MSRA: variants seen among roughly 807,000 people sequenced by gnomAD.
MSRA encodes the protein mitochondrial peptide methionine sulfoxide reductase.
A neutral mutation model predicts 31.3 loss-of-function variants in MSRA; 54 were observed. The ratio of observed to expected loss-of-function variants is 1.73; its 90% CI spans 1.39 to 2.17. The LOEUF is 2.17. MSRA is among the 30% of genes most tolerant of loss of function. The probability of loss-of-function intolerance (pLI) is 0.00; values close to 1 mark genes in which losing one functional copy is unlikely to be tolerated. For synonymous variants in MSRA, 169 were observed against 116.5 expected, an observed-to-expected ratio of 1.45 and a Z score of -2.90; for missense variants, 507 against 300.9, an observed-to-expected ratio of 1.69 and a Z score of -5.07.
intron 1 of MSRA, among the ~76,000 whole-genome samples, chr8:10,139,423 C>A (rs1802517931): frequency 6.6e-6 from 1 of 152,180 alleles, no homozygotes; most frequent in Non-Finnish European, 1.5e-5. Context: ...AGTTTTGTTA[C>A]ATGGATCTGT....
At chr8:10,394,739 C>T (rs1257800026) in intron 5 of MSRA, among the ~76,000 whole-genome samples, 1 of 152,266 alleles carries the variant, frequency 6.6e-6, no homozygotes, top group Non-Finnish European at 1.5e-5. Context: ...ATTGTATCAG[C>T]TGCTTTCTGA....
intron 3 of MSRA, among the ~76,000 whole-genome samples, chr8:10,298,204 G>C (rs897966473): frequency 3.9e-5 from 6 of 152,092 alleles, no homozygotes; most frequent in Non-Finnish European, 5.9e-5. Context: ...TGTTTGCAGT[G>C]GTAAAAAGGT....
At chr8:10,146,692 C>G (rs1397724044) in intron 1 of MSRA, among the ~76,000 whole-genome samples, 2 of 152,074 alleles carry the variant, frequency 1.3e-5, no homozygotes, top group African/African-American at 4.8e-5. Flanking sequence ...TGAATTATAT[C>G]TCAGTGAAGG....
At chr8:10,384,409 C>G (rs1806259952) in intron 5 of MSRA, among the ~76,000 whole-genome samples, 1 of 152,222 alleles carries the variant, frequency 6.6e-6, no homozygotes, top group South Asian at 2.1e-4. Flanking sequence ...TGATGGTGGT[C>G]TGGGCCACAC....
intron 3 of MSRA, among the ~76,000 whole-genome samples, chr8:10,260,705 TA>T (rs1214372884): frequency 6.6e-6 from 1 of 152,006 alleles, no homozygotes; most frequent in East Asian, 1.9e-4. Flanking sequence ...TGGGGGGGAA[TA>T]AAAAGCAAAC....
chr8:10,332,750 GTATT>G (rs1382308168), intron 5 of MSRA, among the ~76,000 whole-genome samples: 1 of 152,132 alleles, frequency 6.6e-6, no homozygotes, highest in Non-Finnish European at 1.5e-5. Context: ...TTCTTGCACT[GTATT>G]TAGAAATCTC....
At chr8:10,426,999 G>A (rs76793949) in intron 5 of MSRA, among the ~76,000 whole-genome samples, 518 of 24,322 alleles carry the variant, frequency 0.021, 4 homozygotes, top group African/African-American at 0.067. Context: ...CTCAGACGGC[G>A]AAACAGAGAT....
intron 1 of MSRA, among the ~76,000 whole-genome samples, chr8:10,143,157 T>A (rs1772048838): frequency 6.6e-6 from 1 of 152,198 alleles, no homozygotes; most frequent in Admixed American, 6.5e-5. Context: ...TTTTGGTTTG[T>A]CCTCTTCTTT....
chr8:10,059,695 C>G (rs967643462), intron 1 of MSRA, among the ~76,000 whole-genome samples: 4 of 152,086 alleles, frequency 2.6e-5, no homozygotes, highest in Non-Finnish European at 5.9e-5. Context: ...TCATCATAAG[C>G]AAAGCCAAAA....
chr8:10,170,743 G>A (rs554083949), intron 1 of MSRA, among the ~76,000 whole-genome samples: 3 of 152,212 alleles, frequency 2.0e-5, no homozygotes, highest in East Asian at 3.9e-4. Context: ...TGCTACCTAT[G>A]GGGTTTTGGA....
intron 1 of MSRA, among the ~76,000 whole-genome samples, chr8:10,131,438 T>C (rs1257491661): frequency 1.3e-5 from 2 of 152,194 alleles, no homozygotes; most frequent in African/African-American, 4.8e-5. Flanking sequence ...AGAAGACTTA[T>C]TGTAGGGGAG....
chr8:10,393,214 G>A (rs1320631807), intron 5 of MSRA, among the ~76,000 whole-genome samples: 1 of 152,148 alleles, frequency 6.6e-6, no homozygotes. Flanking sequence ...TCTATTCAGT[G>A]TAAGAAGAAG....
intron 5 of MSRA, among the ~76,000 whole-genome samples, chr8:10,375,255 A>G (rs1805695579): frequency 6.6e-6 from 1 of 152,146 alleles, no homozygotes; most frequent in African/African-American, 2.4e-5. Flanking sequence ...GGGAGAAACA[A>G]GGCTGGCGTC....
At chr8:10,359,429 T>C (rs1306858715) in intron 5 of MSRA, among the ~76,000 whole-genome samples, 1 of 152,234 alleles carries the variant, frequency 6.6e-6, no homozygotes, top group African/African-American at 2.4e-5. Context: ...TCAGGTCTTA[T>C]ATCACTTTTT....
At chr8:10,103,133 A>G (rs1799646717) in intron 1 of MSRA, among the ~76,000 whole-genome samples, 1 of 152,190 alleles carries the variant, frequency 6.6e-6, no homozygotes, top group African/African-American at 2.4e-5. Flanking sequence ...TTAAAAGGAG[A>G]GAATACGCTA....
intron 5 of MSRA, among the ~76,000 whole-genome samples, chr8:10,371,978 A>C (rs1805503565): frequency 1.3e-5 from 2 of 152,190 alleles, no homozygotes; most frequent in Non-Finnish European, 2.9e-5. Context: ...ATCATCCTAC[A>C]CATGAGATTG....
At position 10,111,685 on chromosome 8, in the gene MSRA, G is replaced by A. The variant is rs1191811657; in HGVS notation, c.142+57027G>A. Among the ~76,000 whole-genome samples, 4 of 152,150 alleles carry A rather than the reference G, an allele frequency of 2.6e-5. No homozygotes were observed. The East Asian group carries it at 7.7e-4, about 29-fold the overall frequency. ...GGGAATGTTCTTGTTCATGTTATTGGGCTAGTATTGCATGAGAAGAGCAGT... is the reference window on the plus strand; with the variant it reads ...GGGAATGTTCTTGTTCATGTTATTGAGCTAGTATTGCATGAGAAGAGCAGT... On this transcript the variant is annotated intron_variant, in intron 1 of 5. Transcript: ENST00000317173.
intron 2 of MSRA, among the ~76,000 whole-genome samples, chr8:10,208,311 C>G (rs974603759): frequency 6.6e-6 from 1 of 151,836 alleles, no homozygotes; most frequent in Admixed American, 6.6e-5. Flanking sequence ...TGAATGATCT[C>G]TTCCTTCTCC....
intron 2 of MSRA, among the ~76,000 whole-genome samples, chr8:10,222,795 C>T (rs962135881): frequency 1.1e-4 from 16 of 152,172 alleles, no homozygotes; most frequent in African/African-American, 3.6e-4. Context: ...AAGTCGAACT[C>T]ATCAAAGCAG....
Sources: allele counts gnomAD v4.1 joint callset (sites outside exome capture counted in the v4.1 genomes callset), GRCh38; gene constraint gnomAD v4.1.1; transcripts MANE v1.5; gene names NCBI Gene and HGNC (gene_info 2026-07-23, HGNC 2026-07-21).